Variants in PPP2R2B observed in about 807,000 individuals in gnomAD.
PPP2R2B encodes the protein protein phosphatase 2 regulatory subunit Bbeta.
Under a neutral mutation model 46.0 loss-of-function variants are expected in PPP2R2B, and 5 were observed. The ratio of observed to expected loss-of-function variants is 0.11; its 90% CI spans 0.06 to 0.23. The LOEUF (loss-of-function observed/expected upper bound fraction) is 0.23, where lower values mean the gene tolerates loss of function less well. PPP2R2B is among the 10% of genes least tolerant of loss of function. The probability of loss-of-function intolerance (pLI) is 1.00; values close to 1 mark genes in which losing one functional copy is unlikely to be tolerated. For synonymous variants in PPP2R2B, 215 were observed against 206.7 expected, an observed-to-expected ratio of 1.04 and a Z score of -0.34; for missense variants, 367 against 575.0, an observed-to-expected ratio of 0.64 and a Z score of 3.70.
chr5:146,841,665 C>T (rs1582241617), intron 2 of PPP2R2B, among the ~76,000 whole-genome samples: 1 of 152,128 alleles, frequency 6.6e-6, no homozygotes, highest in South Asian at 2.1e-4. Flanking sequence ...CCATCATTCT[C>T]AGCAAACTAA....
intron 5 of PPP2R2B, among the ~76,000 whole-genome samples, chr5:146,680,269 A>G (rs2151135438): frequency 6.7e-6 from 1 of 149,950 alleles, no homozygotes; most frequent in African/African-American, 2.5e-5. Flanking sequence ...ATTGGAAATC[A>G]TCATTCTCAG....
chr5:146,706,276 C>T lies in PPP2R2B; in HGVS notation c.71-5134G>A, dbSNP rs539269763. 356 of 502,324 alleles carry T rather than the reference C, an allele frequency of 7.1e-4. 1 individual carries two copies. Among genetic ancestry groups the T allele is most frequent in the Non-Finnish European group, 8.8e-4 (236 of 268,136 alleles). The allele number at this position is 502,324 out of a possible 1,614,324, so 31.1% of individuals were successfully genotyped here. A position where few individuals can be genotyped will look rare whatever the true frequency, so the allele number is the denominator to read the frequency against. ...TCTTGATCTTCTTCACAACCATGGC[C>T]CTGGTGGAGCTGGTGCGGCTGAAGG... On this transcript the variant is annotated intron_variant, in intron 2 of 9. Coordinates refer to ENST00000394411, the MANE Select transcript of PPP2R2B (RefSeq NM_181675.4).
At chr5:146,715,688 T>G (rs1780456843) in intron 2 of PPP2R2B, among the ~76,000 whole-genome samples, 2 of 152,196 alleles carry the variant, frequency 1.3e-5, no homozygotes, top group African/African-American at 2.4e-5. Flanking sequence ...AGACTAGTCG[T>G]GGAGCTGGGA....
intron 2 of PPP2R2B, among the ~76,000 whole-genome samples, chr5:146,821,562 C>G (rs759399530): frequency 6.6e-6 from 1 of 152,166 alleles, no homozygotes; most frequent in Non-Finnish European, 1.5e-5. Flanking sequence ...ACAGCACAGG[C>G]TTTGGGGGCA....
At chr5:146,638,828 T>G (rs1200116085) in intron 6 of PPP2R2B, among the ~76,000 whole-genome samples, 1 of 152,238 alleles carries the variant, frequency 6.6e-6, no homozygotes, top group Non-Finnish European at 1.5e-5. Context: ...GATTCCTTAA[T>G]GGATTATTGG....
chr5:146,598,384 G>A (rs1771427415), intron 8 of PPP2R2B, among the ~76,000 whole-genome samples: 1 of 152,054 alleles, frequency 6.6e-6, no homozygotes, highest in Non-Finnish European at 1.5e-5. Flanking sequence ...TCTCAACTAG[G>A]TCATATTTTC....
intron 1 of PPP2R2B, among the ~76,000 whole-genome samples, chr5:146,962,713 G>A (rs537891465): frequency 6.6e-6 from 1 of 152,156 alleles, no homozygotes; most frequent in African/African-American, 2.4e-5. Context: ...GACCCAATCA[G>A]AGATACCATT....
chr5:146,840,110 CTA>C (rs1221275838), intron 2 of PPP2R2B, among the ~76,000 whole-genome samples: 1 of 152,106 alleles, frequency 6.6e-6, no homozygotes, highest in Non-Finnish European at 1.5e-5. Flanking sequence ...CTGTTTTTTT[CTA>C]TGAGAATTTC....
intron 2 of PPP2R2B, among the ~76,000 whole-genome samples, chr5:146,773,838 G>A (rs1755015717): frequency 6.6e-6 from 1 of 152,118 alleles, no homozygotes; most frequent in Admixed American, 6.6e-5. Context: ...TGTTTAATGT[G>A]AATTATTTAT....
intron 5 of PPP2R2B, among the ~76,000 whole-genome samples, chr5:146,687,107 G>A (rs1208220779): frequency 1.3e-5 from 2 of 151,290 alleles, no homozygotes; most frequent in Non-Finnish European, 2.9e-5. Context: ...AGAGGGAGAG[G>A]GAGAGAGAGG....
chr5:146,950,289 C>A (rs1313507929), intron 1 of PPP2R2B, among the ~76,000 whole-genome samples: 1 of 151,822 alleles, frequency 6.6e-6, no homozygotes, highest in Non-Finnish European at 1.5e-5. Flanking sequence ...AATCAGGGAA[C>A]TTTGAACATG....
intron 5 of PPP2R2B, among the ~76,000 whole-genome samples, chr5:146,653,566 A>C (rs1187087946): frequency 6.6e-6 from 1 of 152,182 alleles, no homozygotes. Flanking sequence ...TGGAATCTGC[A>C]GGACTTCCTG....
chr5:146,638,114 C>T (rs1016927850), intron 7 of PPP2R2B, 137 bp downstream of exon 7: 9 of 735,756 alleles, frequency 1.2e-5, no homozygotes, highest in Non-Finnish European at 1.4e-5. Flanking sequence ...ATATAAAATA[C>T]GGAGCTGACT....
intron 5 of PPP2R2B, among the ~76,000 whole-genome samples, chr5:146,653,599 C>T (rs990080771): frequency 1.3e-5 from 2 of 152,104 alleles, no homozygotes; most frequent in African/African-American, 2.4e-5. Context: ...AACTCTTCCC[C>T]GGGCCTCCTC....
chr5:146,745,914 T>C (rs2400231), intron 2 of PPP2R2B, among the ~76,000 whole-genome samples: 129,115 of 151,822 alleles, frequency 0.85, 54,993 homozygotes, highest in Non-Finnish European at 0.86. Context: ...GCCAAGATTG[T>C]GCCACTGCAC....
chr5:146,793,063 C>T (rs1032448862), intron 2 of PPP2R2B, among the ~76,000 whole-genome samples: 5 of 152,058 alleles, frequency 3.3e-5, no homozygotes, highest in Non-Finnish European at 5.9e-5. Flanking sequence ...TGCATCAGCA[C>T]GGTAGCAGTG....
chr5:146,814,433 T>C (rs1201443834), intron 2 of PPP2R2B, among the ~76,000 whole-genome samples: 1 of 152,140 alleles, frequency 6.6e-6, no homozygotes, highest in Non-Finnish European at 1.5e-5. Flanking sequence ...CATCAGGTGA[T>C]GGTCAGGCAG....
intron 6 of PPP2R2B, among the ~76,000 whole-genome samples, chr5:146,649,899 C>T (rs2034156): frequency 0.75 from 113,733 of 152,066 alleles, 43,393 homozygotes; most frequent in East Asian, 0.82. Flanking sequence ...TTCTGGATGT[C>T]AATGCTGGTT....
chr5:146,850,878 C>T (rs1000360620), intron 2 of PPP2R2B, among the ~76,000 whole-genome samples: 3 of 152,198 alleles, frequency 2.0e-5, no homozygotes, highest in East Asian at 3.9e-4. Context: ...AAGTAAATGT[C>T]TGAAAAATGA....
Sources: allele counts gnomAD v4.1 joint callset (sites outside exome capture counted in the v4.1 genomes callset), GRCh38; gene constraint gnomAD v4.1.1; transcripts MANE v1.5; gene names NCBI Gene and HGNC (gene_info 2026-07-23, HGNC 2026-07-21).